The following SNTG1 variants were observed in gnomAD, a reference collection of about 807,000 sequenced individuals.
The protein encoded by SNTG1 is gamma-1-syntrophin.
SNTG1 carries 39 observed loss-of-function variants against 74.7 expected under a neutral mutation model. The ratio of observed to expected loss-of-function variants is 0.52; its 90% confidence interval spans 0.40 to 0.68. The LOEUF (loss-of-function observed/expected upper bound fraction) is 0.68, where lower values mean the gene tolerates loss of function less well. SNTG1 is among the 30% of genes least tolerant of loss of function. SNTG1 has a pLI of 0.00. For missense variants in SNTG1, 685 were observed against 609.5 expected (o/e 1.12, Z -1.30); for synonymous variants, 254 against 217.1 (o/e 1.17, Z -1.49).
chr8:50,035,735 C>G (rs894291674), intron 1 of SNTG1, among the ~76,000 whole-genome samples: 1 of 152,104 alleles, frequency 6.6e-6, no homozygotes, highest in African/African-American at 2.4e-5. Flanking sequence ...CAGACCATCA[C>G]GAAGGACCCA....
At chr8:50,271,598 A>G (rs2087783659) in intron 2 of SNTG1, among the ~76,000 whole-genome samples, 1 of 152,174 alleles carries the variant, frequency 6.6e-6, no homozygotes, top group South Asian at 2.1e-4. Flanking sequence ...AAACTAAATT[A>G]TCAGGCAAAA....
Position 50,590,882 on chromosome 8 carries a change from A to T in SNTG1, c.814A>T (p.Lys272Ter), listed in dbSNP as rs1043834430. Residue 272 changes from lysine to a stop codon, truncating the protein, a stop_gained, in exon 13 of 19, where the codon AAA becomes TAA. Transcript: ENST00000642720. LOFTEE classifies it high-confidence loss of function. ...TATTATTTATTTATCATTGCAGATT[A>T]AAAAAATCAACAGAAACTTTCCTGT... The part of the protein sequence containing the change: ...NISNLTKHNI[K>*]KINRNFPVNQ... 3.2e-6 allele frequency: 5 copies of T among 1,560,340 alleles called. No homozygotes were observed. Among genetic ancestry groups the T allele is most frequent in the Non-Finnish European group, 4.4e-6 (5 of 1,145,834 alleles).
intron 8 of SNTG1, among the ~76,000 whole-genome samples, chr8:50,485,407 T>A (rs1222282927): frequency 6.6e-6 from 1 of 152,128 alleles, no homozygotes; most frequent in Non-Finnish European, 1.5e-5. Flanking sequence ...TTATACTTTT[T>A]TTTCCTTTTA....
chr8:50,271,247 A>G (rs2130282967), intron 2 of SNTG1, among the ~76,000 whole-genome samples: 1 of 152,344 alleles, frequency 6.6e-6, no homozygotes, highest in East Asian at 1.9e-4. Flanking sequence ...TATTATGCCA[A>G]CAAATTTCGT....
chr8:50,378,828 T>C (rs2092432807), intron 2 of SNTG1, among the ~76,000 whole-genome samples: 1 of 151,976 alleles, frequency 6.6e-6, no homozygotes, highest in Non-Finnish European at 1.5e-5. Context: ...TGGCTGATCC[T>C]AGGGCTTTTA....
intron 8 of SNTG1, among the ~76,000 whole-genome samples, chr8:50,500,229 T>C (rs1252866572): frequency 2.0e-5 from 3 of 150,282 alleles, no homozygotes; most frequent in Non-Finnish European, 4.4e-5. Flanking sequence ...GGTTACTTTT[T>C]CTTTTTTTTT....
At chr8:50,238,836 A>G (rs1178287379) in intron 2 of SNTG1, among the ~76,000 whole-genome samples, 2 of 152,198 alleles carry the variant, frequency 1.3e-5, no homozygotes, top group South Asian at 2.1e-4. Context: ...AGCAATGTTC[A>G]TAGACAGACA....
intron 13 of SNTG1, among the ~76,000 whole-genome samples, chr8:50,596,163 T>C (rs1342644650): frequency 2.6e-5 from 4 of 152,066 alleles, no homozygotes; most frequent in African/African-American, 7.2e-5. Context: ...AGATGTGTCA[T>C]GATCTGTTAA....
intron 13 of SNTG1, among the ~76,000 whole-genome samples, chr8:50,631,882 C>A (rs1486679659): frequency 1.3e-5 from 2 of 152,148 alleles, no homozygotes; most frequent in African/African-American, 4.8e-5. Flanking sequence ...GCTGGAATAC[C>A]CTTCTTACCC....
intron 13 of SNTG1, among the ~76,000 whole-genome samples, chr8:50,621,333 C>T (rs2094922235): frequency 6.6e-6 from 1 of 152,038 alleles, no homozygotes. Flanking sequence ...CAAGATACGG[C>T]CTTACAAGCA....
chr8:50,055,274 T>C (rs1426603213), intron 1 of SNTG1, among the ~76,000 whole-genome samples: 1 of 152,166 alleles, frequency 6.6e-6, no homozygotes, highest in Non-Finnish European at 1.5e-5. Flanking sequence ...AGTATTTATA[T>C]GTTCCATTTT....
At chr8:50,240,157 A>G (rs1160123902) in intron 2 of SNTG1, among the ~76,000 whole-genome samples, 3 of 152,224 alleles carry the variant, frequency 2.0e-5, no homozygotes, top group African/African-American at 7.2e-5. Flanking sequence ...TTGCAATGAG[A>G]CATGCCTAGA....
At chr8:50,156,116 G>C (rs570931983) in intron 1 of SNTG1, among the ~76,000 whole-genome samples, 1 of 152,192 alleles carries the variant, frequency 6.6e-6, no homozygotes, top group Admixed American at 6.5e-5. Context: ...AAATGAAATT[G>C]AGACTTAAGA....
intron 2 of SNTG1, among the ~76,000 whole-genome samples, chr8:50,289,502 A>G (rs1188781641): frequency 1.3e-5 from 2 of 152,144 alleles, no homozygotes; most frequent in Admixed American, 6.6e-5. Flanking sequence ...TGCACCATTA[A>G]AGAGTTTGCA....
At chr8:50,698,061 TG>T (rs1000936382) in intron 15 of SNTG1, among the ~76,000 whole-genome samples, 5 of 152,174 alleles carry the variant, frequency 3.3e-5, no homozygotes, top group Non-Finnish European at 7.4e-5. Context: ...CATCTGTTCC[TG>T]GGATTTTCTT....
chr8:49,928,145 T>TAGTA (rs1807204693), intron 1 of SNTG1, among the ~76,000 whole-genome samples: 1 of 138,084 alleles, frequency 7.2e-6, no homozygotes, highest in South Asian at 2.3e-4. Context: ...TCTCAAAAAA[T>TAGTA]AATAAATAAA....
intron 2 of SNTG1, among the ~76,000 whole-genome samples, chr8:50,291,459 T>G (rs1354044882): frequency 2.6e-5 from 4 of 152,072 alleles, no homozygotes; most frequent in African/African-American, 9.7e-5. Context: ...GGAAAAAGCT[T>G]GTGCACGTGC....
At chr8:50,665,234 A>G (rs1029711351) in intron 15 of SNTG1, among the ~76,000 whole-genome samples, 6 of 152,046 alleles carry the variant, frequency 3.9e-5, no homozygotes, top group African/African-American at 1.4e-4. Flanking sequence ...GGAAGGAGAA[A>G]GAGGGATTGA....
intron 2 of SNTG1, among the ~76,000 whole-genome samples, chr8:50,245,744 C>G (rs1444758653): frequency 6.6e-6 from 1 of 151,954 alleles, no homozygotes; most frequent in Non-Finnish European, 1.5e-5. Context: ...ATGTAAAGTC[C>G]TCTTCTCATT....
Sources: allele counts gnomAD v4.1 joint callset (sites outside exome capture counted in the v4.1 genomes callset), GRCh38; gene constraint gnomAD v4.1.1; transcripts MANE v1.5; gene names NCBI Gene and HGNC (gene_info 2026-07-23, HGNC 2026-07-21).